The following CYP4F12 variants were observed in gnomAD, a reference collection of about 807,000 sequenced individuals.
The protein encoded by CYP4F12 is cytochrome P450 4F12.
CYP4F12 carries 60 observed loss-of-function variants against 56.5 expected under a neutral mutation model. The observed-to-expected ratio is 1.06, with a 90% CI of 0.86 to 1.32. The LOEUF (loss-of-function observed/expected upper bound fraction) is 1.32, where lower values mean the gene tolerates loss of function less well. CYP4F12 is among the 40% of genes most tolerant of loss of function. The pLI, the probability that CYP4F12 is intolerant of heterozygous loss-of-function variation, is 0.00. For missense variants in CYP4F12, 711 were observed against 683.5 expected (o/e 1.04, Z -0.45); for synonymous variants, 263 against 264.9 (o/e 0.99, Z 0.07).
At position 15,684,940 on chromosome 19, in the gene CYP4F12, G is replaced by T. The variant is rs1464796459; in HGVS notation, c.985+58G>T. On this transcript the variant is annotated intron_variant, in intron 8 of 12. Coordinates refer to ENST00000550308, the MANE Select transcript of CYP4F12 (RefSeq NM_023944.4). The stretch of plus-strand genomic sequence containing the variant: ...CAGAGGTCCCTCCATCTCAGGATCC[G>T]GGTGGGTGGACCCTGGATCACTCCA... 3 of 1,567,480 alleles carry T rather than the reference G, an allele frequency of 1.9e-6. No individual in the cohort carries two copies. The East Asian group carries it at 6.7e-5, about 35-fold the overall frequency.
rs61290969 is a variant in CYP4F12 at position 15,693,518 on chromosome 19, C to A, written c.1116-2418C>A. On this transcript the variant is annotated intron_variant, in intron 9 of 12. Transcript: ENST00000550308. Reference sequence around the variant, plus strand: ...TTGAGAAGTGTCTGTTCATGTCCTTCGCCCACTTTTTGATGGAGTTGTTTT... The same window carrying A: ...TTGAGAAGTGTCTGTTCATGTCCTTAGCCCACTTTTTGATGGAGTTGTTTT... Among the ~76,000 whole-genome samples the A allele has an allele frequency of 2.2e-4, 30 of 138,064 alleles. No individual in the cohort carries two copies. In the South Asian group the frequency reaches 4.0e-3, roughly 18 times the overall value. 90.6% of individuals were successfully genotyped at this position (138,064 alleles called of 152,430 possible). A position where few individuals can be genotyped will look rare whatever the true frequency, so the allele number is the denominator to read the frequency against.
intron 5 of CYP4F12, chr19:15,681,135 G>A (rs1254154468): frequency 1.8e-5 from 3 of 166,096 alleles, no homozygotes; most frequent in African/African-American, 7.2e-5. Context: ...TGTGGACATT[G>A]TCTCTGCAAT....
intron 9 of CYP4F12, among the ~76,000 whole-genome samples, chr19:15,695,031 G>A (rs926389314): frequency 2.6e-4 from 40 of 152,108 alleles, no homozygotes; most frequent in African/African-American, 8.9e-4. Flanking sequence ...TAAATCATGC[G>A]GCTATAAAGA....
In CYP4F12 at chr19:15,696,966, C is replaced by T. The variant is rs1156549791; in HGVS notation, c.1456C>T (p.Leu486=). 5 of 1,614,226 alleles carry T rather than the reference C, an allele frequency of 3.1e-6. No homozygotes were observed. The highest frequency in any genetic ancestry group is 8.5e-7 in the Non-Finnish European group (1 of 1,180,026). Residue 486 remains leucine (L), a synonymous_variant, in exon 13 of 13, where the codon CTG becomes TTG. Transcript: ENST00000550308. ...GATGAAAGTGGTCCTGGCGTTGATG[C>T]TGCTGCACTTCCGGTTCCTGCCAGA... The part of the protein sequence containing the change: ...AEMKVVLALM[L]LHFRFLPDHT...
intron 2 of CYP4F12, among the ~76,000 whole-genome samples, chr19:15,677,143 A>G (rs111220036): frequency 4.2e-5 from 4 of 95,102 alleles, no homozygotes; most frequent in African/African-American, 7.9e-5. Context: ...TCACTCACTC[A>G]TTCCTCTACC....
chr19:15,685,991 A>AG (rs3214194), intron 9 of CYP4F12, among the ~76,000 whole-genome samples: 86,686 of 151,878 alleles, frequency 0.57, 25,074 homozygotes, highest in East Asian at 0.71. Context: ...TTCTGTTCCC[A>AG]CACCTTTCTG....
intron 3 of CYP4F12, among the ~76,000 whole-genome samples, chr19:15,679,426 A>G (rs2007160957): frequency 6.6e-6 from 1 of 152,128 alleles, no homozygotes; most frequent in Non-Finnish European, 1.5e-5. Flanking sequence ...GGGTCCTAGC[A>G]GCTCAGTTCT....
At chr19:15,690,559 A>T (rs2007822942) in intron 9 of CYP4F12, among the ~76,000 whole-genome samples, 1 of 152,146 alleles carries the variant, frequency 6.6e-6, no homozygotes, top group African/African-American at 2.4e-5. Context: ...TCTCACAGTT[A>T]ATTAAGGTTA....
chr19:15,683,282 T>C (rs957657853), intron 6 of CYP4F12, among the ~76,000 whole-genome samples: 1 of 152,066 alleles, frequency 6.6e-6, no homozygotes, highest in African/African-American at 2.4e-5. Flanking sequence ...CCTAGGTGCA[T>C]GGAGACAGCT....
At position 15,673,634 on chromosome 19, in the gene CYP4F12, G is replaced by A; in HGVS notation, c.105G>A (p.Leu35=). The change falls in exon 2 of 13, where the codon CTG becomes CTA. Residue 35 remains leucine, a synonymous_variant. Transcript: ENST00000550308. ...VVGSWLLARI[L]AWTYAFYNNC... is the part of the protein sequence containing the mutation. ...GCTCCTGGCTACTCGCCCGCATCCTGGCTTGGACCTATGCCTTCTATAACA... is the reference window on the plus strand; with the variant it reads ...GCTCCTGGCTACTCGCCCGCATCCTAGCTTGGACCTATGCCTTCTATAACA... 1.2e-6 allele frequency: 2 copies of A among 1,614,164 alleles called. No individual in the cohort carries two copies. Among genetic ancestry groups the A allele is most frequent in the Non-Finnish European group, 1.7e-6 (2 of 1,180,014 alleles).
At chr19:15,682,120 G>C (rs2007331626) in intron 5 of CYP4F12, 1 of 328,052 alleles carries the variant, frequency 3.0e-6, no homozygotes, top group African/African-American at 2.1e-5. Context: ...GTGGGACCTA[G>C]AGGAGGGCAA....
intron 7 of CYP4F12, 135 bp downstream of exon 7, chr19:15,683,898 G>A (rs528828234): frequency 1.4e-5 from 17 of 1,204,884 alleles, no homozygotes; most frequent in African/African-American, 1.1e-4. Flanking sequence ...GTCACAGATA[G>A]GTTTTAGAGA....
intron 7 of CYP4F12, 60 bp from the exon 8 acceptor site, chr19:15,684,756 T>TTTTGTGTG (rs1555751162): frequency 7.3e-5 from 76 of 1,044,656 alleles, no homozygotes; most frequent in Admixed American, 2.6e-4. Flanking sequence ...ATAGTATAAT[T>TTTTGTGTG]TGTGTGTGTG....
intron 9 of CYP4F12, among the ~76,000 whole-genome samples, chr19:15,693,979 G>C (rs2008000906): frequency 6.6e-6 from 1 of 150,940 alleles, no homozygotes; most frequent in South Asian, 2.1e-4. Context: ...TCTCAGGTTT[G>C]TCAAAGATCA....
Position 15,683,668 on chromosome 19 carries a change from C to T in CYP4F12, c.823C>T (p.Arg275Cys), listed in dbSNP as rs375608988. 29 of 1,613,452 alleles carry T rather than the reference C, an allele frequency of 1.8e-5. 1 individual carries two copies. Among genetic ancestry groups the T allele is most frequent in the Admixed American group, 5.0e-5 (3 of 59,810 alleles). Residue 275 changes from arginine (R) to cysteine (C), a missense_variant, in exon 7 of 13, where the codon CGT (arginine) becomes TGT (cysteine). Transcript: ENST00000550308. ...CACAGACGCTGTCATCCGGGAGCGG[C>T]GTCGCACCCTCCCCACTCAGGGTAT... is the stretch of plus-strand genomic sequence containing the variant. ...DFTDAVIRERRRTLPTQGIDD... is the reference protein window; with the variant it reads ...DFTDAVIRERCRTLPTQGIDD...
At chr19:15,687,533 T>C (rs1013010855) in intron 9 of CYP4F12, among the ~76,000 whole-genome samples, 6 of 152,212 alleles carry the variant, frequency 3.9e-5, no homozygotes, top group African/African-American at 1.4e-4. Context: ...TAAGCTTTCT[T>C]TTCCCAAGAA....
intron 7 of CYP4F12, chr19:15,684,541 A>G: frequency 2.5e-6 from 1 of 403,128 alleles, no homozygotes; most frequent in East Asian, 4.0e-5. Context: ...GAAAGTCTGT[A>G]TTATGCAGAA....
chr19:15,673,402 C>A, intron 1 of CYP4F12, 127 bp from the exon 2 acceptor site: 1 of 1,051,030 alleles, frequency 9.5e-7, no homozygotes, highest in Non-Finnish European at 1.4e-6. Flanking sequence ...GATCTCAGCC[C>A]TCGTTTACTC....
rs370960027 is a variant in CYP4F12 at position 15,680,263 on chromosome 19, T to C, written c.363T>C (p.Asp121=). 2.1e-5 allele frequency: 33 copies of C among 1,608,518 alleles called. No homozygotes were observed. The African/African-American group carries it at 4.0e-4, about 20-fold the overall frequency. The change falls in exon 4 of 13, where the codon GAT becomes GAC. Residue 121 remains aspartate (D), a synonymous_variant. Coordinates refer to ENST00000550308, the MANE Select transcript of CYP4F12 (RefSeq NM_023944.4). ...TNASAAIAPK[D]NLFIRFLKPW... ...TGTCAGCTGCCATTGCACCCAAGGA[T>C]AATCTCTTCATCAGGTTCCTGAAGC... is the stretch of plus-strand genomic sequence containing the variant.
Sources: gnomAD v4.1 joint callset for allele counts (sites outside exome capture counted in the v4.1 genomes callset) on GRCh38, gnomAD v4.1.1 for gene constraint, MANE v1.5 for transcripts, NCBI Gene and HGNC (gene_info 2026-07-23, HGNC 2026-07-21) for gene names.